The following TENM2 variants were observed in gnomAD, a reference collection of about 807,000 sequenced individuals.
The protein encoded by TENM2 is teneurin transmembrane protein 2.
Under a neutral mutation model 245.2 loss-of-function variants are expected in TENM2, and 52 were observed. That is an observed-to-expected ratio of 0.21 (90% CI 0.17 to 0.27). TENM2 has a LOEUF of 0.27. Among genes scored for constraint, TENM2 ranks in the 10% least tolerant of loss-of-function variants. The pLI, the probability that TENM2 is intolerant of heterozygous loss-of-function variation, is 1.00. For synonymous variants in TENM2, 1,363 were observed against 1,438.9 expected (o/e 0.95, Z 1.19); for missense variants, 3,046 against 3,666.8 (o/e 0.83, Z 4.37).
intron 2 of TENM2, among the ~76,000 whole-genome samples, chr5:167,504,404 C>T (rs930172899): frequency 6.6e-6 from 1 of 152,078 alleles, no homozygotes; most frequent in African/African-American, 2.4e-5. Flanking sequence ...ATAAAACTTG[C>T]AAAAGCAATG....
the TENM2 span, among the ~76,000 whole-genome samples, chr5:167,170,721 T>A: frequency 6.6e-6 from 1 of 152,190 alleles, no homozygotes; most frequent in Non-Finnish European, 1.5e-5. Context: ...TGAACCCACT[T>A]CAGTAAGACT....
At chr5:167,828,284 CCTCAGAT>C (rs1314506608) in intron 2 of TENM2, among the ~76,000 whole-genome samples, 1 of 152,158 alleles carries the variant, frequency 6.6e-6, no homozygotes, top group African/African-American at 2.4e-5. Context: ...TACTCTCATC[CCTCAGAT>C]CTCAGCTCCG....
chr5:167,800,850 C>A (rs1291847673), intron 2 of TENM2, among the ~76,000 whole-genome samples: 1 of 151,918 alleles, frequency 6.6e-6, no homozygotes, highest in African/African-American at 2.4e-5. Context: ...AGAGAAACCC[C>A]TTCAGGAACC....
the TENM2 span, among the ~76,000 whole-genome samples, chr5:167,076,241 G>A: frequency 7.2e-5 from 11 of 152,112 alleles, no homozygotes; most frequent in East Asian, 7.7e-4. Flanking sequence ...TAGGGCAGCC[G>A]TACCTACTTT....
chr5:167,822,186 A>G (rs1026188039), intron 2 of TENM2, among the ~76,000 whole-genome samples: 2 of 151,788 alleles, frequency 1.3e-5, no homozygotes, highest in Non-Finnish European at 2.9e-5. Flanking sequence ...AAAATGTAAC[A>G]CCCACGCCCT....
chr5:167,980,404 G>T (rs779092911), intron 4 of TENM2, among the ~76,000 whole-genome samples: 1 of 152,118 alleles, frequency 6.6e-6, no homozygotes, highest in Non-Finnish European at 1.5e-5. Context: ...TGAGAAAGAG[G>T]AGCCATGCAA....
the TENM2 span, among the ~76,000 whole-genome samples, chr5:167,110,679 G>A: frequency 6.6e-6 from 1 of 152,110 alleles, no homozygotes; most frequent in South Asian, 2.1e-4. Context: ...CAGCTTCATC[G>A]CCTTGGACAT....
At chr5:168,032,991 A>C (rs570381116) in intron 5 of TENM2, 3 of 152,350 alleles carry the variant, frequency 2.0e-5, no homozygotes, top group Admixed American at 2.0e-4. Flanking sequence ...AAAAATCTTA[A>C]CACATTAAGC....
At chr5:167,758,184 A>G (rs758494911) in intron 2 of TENM2, among the ~76,000 whole-genome samples, 2 of 152,200 alleles carry the variant, frequency 1.3e-5, no homozygotes, top group Non-Finnish European at 2.9e-5. Context: ...TCTAAATTGC[A>G]TGTGGTCCCT....
At chr5:168,233,325 CA>C (rs953621647) in intron 25 of TENM2, among the ~76,000 whole-genome samples, 5 of 147,564 alleles carry the variant, frequency 3.4e-5, no homozygotes, top group South Asian at 2.1e-4. Flanking sequence ...ACTCCCATCT[CA>C]AAAAAAAAAG....
intron 2 of TENM2, among the ~76,000 whole-genome samples, chr5:167,401,461 C>A (rs1385528770): frequency 6.6e-6 from 1 of 152,132 alleles, no homozygotes; most frequent in African/African-American, 2.4e-5. Context: ...ATTTATATAG[C>A]ATTTGAGGAT....
intron 2 of TENM2, among the ~76,000 whole-genome samples, chr5:167,628,350 G>A (rs1778650454): frequency 6.6e-6 from 1 of 152,168 alleles, no homozygotes; most frequent in Non-Finnish European, 1.5e-5. Flanking sequence ...CCTGATAGGT[G>A]TGACCCAGAG....
chr5:167,724,269 A>G (rs1759834576), intron 2 of TENM2, among the ~76,000 whole-genome samples: 1 of 151,852 alleles, frequency 6.6e-6, no homozygotes, highest in South Asian at 2.1e-4. Flanking sequence ...GGAAAAGACA[A>G]TCTGTGGATA....
the TENM2 span, among the ~76,000 whole-genome samples, chr5:167,235,196 T>A: frequency 1.3e-5 from 2 of 152,120 alleles, no homozygotes; most frequent in Middle Eastern, 3.2e-3. Context: ...TGTGTTCTAA[T>A]CTCCTTTTTA....
the TENM2 span, among the ~76,000 whole-genome samples, chr5:167,016,261 AAAACAAAC>A: frequency 1.7e-5 from 2 of 117,128 alleles, no homozygotes; most frequent in African/African-American, 6.4e-5. Context: ...CTCAAAAAAA[AAAACAAAC>A]AAACAAACAA....
At chr5:167,484,923 C>G (rs1767970220) in intron 2 of TENM2, among the ~76,000 whole-genome samples, 4 of 152,228 alleles carry the variant, frequency 2.6e-5, no homozygotes, top group Admixed American at 2.6e-4. Flanking sequence ...AAAAACTTAT[C>G]TCTCAGACAT....
Position 168,218,799 on chromosome 5 carries a change from G to A in TENM2, c.4908G>A (p.Leu1636=), listed in dbSNP as rs1178978881. The A allele has an allele frequency of 3.1e-6, 5 of 1,613,882 alleles. No individual in the cohort carries two copies. Among genetic ancestry groups the A allele is most frequent in the Non-Finnish European group, 3.4e-6 (4 of 1,179,894 alleles). ...TGATTGACAATAATGGGAATTCCCT[G>A]AAGATCCGTCGGGACAGCAGTGGCA... Residue 1636 remains leucine (L), a synonymous_variant, in exon 23 of 29, where the codon CTG becomes CTA. Coordinates refer to ENST00000518659, the Ensembl canonical transcript of TENM2. The surrounding 1 kb of genome is among the most constrained non-coding windows in gnomAD (Gnocchi z 5.2).
intron 3 of TENM2, among the ~76,000 whole-genome samples, chr5:167,929,089 GAAAGA>G (rs1250510067): frequency 2.4e-5 from 2 of 81,812 alleles, no homozygotes; most frequent in Non-Finnish European, 2.4e-5. Context: ...AAGAAAGAAA[GAAAGA>G]AAGAAAGAAA....
At chr5:168,222,435 T>TCCCAATC (rs1182275529) in intron 23 of TENM2, among the ~76,000 whole-genome samples, 3 of 152,308 alleles carry the variant, frequency 2.0e-5, no homozygotes, top group Middle Eastern at 3.4e-3. Flanking sequence ...GGGGCAAATG[T>TCCCAATC]CAGATCAAAG....
Sources: allele counts gnomAD v4.1 joint callset (sites outside exome capture counted in the v4.1 genomes callset), GRCh38; gene constraint gnomAD v4.1.1; non-coding constraint Gnocchi (gnomAD v3.1); transcripts MANE v1.5; gene names NCBI Gene and HGNC (gene_info 2026-07-23, HGNC 2026-07-21).